Variants in LIMD1 observed in about 807,000 individuals in gnomAD.
LIMD1 encodes the protein LIM domain-containing protein 1.
A neutral mutation model predicts 58.4 loss-of-function variants in LIMD1; 23 were observed. The ratio of observed to expected loss-of-function variants is 0.39; its 90% CI spans 0.28 to 0.56. The LOEUF is 0.56. LIMD1 is among the 20% of genes least tolerant of loss of function. The probability of loss-of-function intolerance (pLI) is 0.57; values close to 1 mark genes in which losing one functional copy is unlikely to be tolerated. For synonymous variants in LIMD1, 334 were observed against 345.5 expected (o/e 0.97, Z 0.37); for missense variants, 838 against 855.5 (o/e 0.98, Z 0.25).
In LIMD1 at chr3:45,639,672, C is replaced by T. The variant is rs544180576; in HGVS notation, c.1510+3421C>T. ...CACCTTGGAGGTTAGGATTTTTTTT[C>T]TTTTTTTGAGATGGAGTTTTGCTCT... is the stretch of plus-strand genomic sequence containing the variant. On this transcript the variant is annotated intron_variant, in intron 2 of 7. Transcript: ENST00000273317. Among the ~76,000 whole-genome samples the T allele has an allele frequency of 2.3e-3, 350 of 151,696 alleles. 1 individual carries two copies. The highest frequency in any genetic ancestry group is 0.017 in the Middle Eastern group (5 of 294).
chr3:45,637,190 A>G (rs1317956263), intron 2 of LIMD1, among the ~76,000 whole-genome samples: 1 of 152,168 alleles, frequency 6.6e-6, no homozygotes, highest in South Asian at 2.1e-4. Flanking sequence ...CTAATCTGAT[A>G]GGATTAGCTA....
chr3:45,666,709 GTC>G (rs1021603887), intron 3 of LIMD1, among the ~76,000 whole-genome samples: 3 of 152,156 alleles, frequency 2.0e-5, no homozygotes, highest in Non-Finnish European at 4.4e-5. Context: ...CTGCTTACAA[GTC>G]TCTCCTCCAT....
Position 45,682,805 on chromosome 3 carries a change from T to G in LIMD1, c.*5746T>G, listed in dbSNP as rs1697760825. The G allele has an allele frequency of 6.6e-6, 1 of 152,284 alleles. No homozygotes were observed. The allele number at this position is 152,284 out of a possible 1,614,324, so 9.4% of individuals were successfully genotyped here. A position where few individuals can be genotyped will look rare whatever the true frequency, so the allele number is the denominator to read the frequency against. ...ATAGTCAAAAAGCCACAGGAGGCTG[T>G]GAGGAGAAGCTCACTGCTGCTCTGT... On this transcript the variant is annotated 3_prime_UTR_variant, in exon 8 of 8. Transcript: ENST00000273317.
At chr3:45,626,914 T>G (rs144638386) in intron 1 of LIMD1, among the ~76,000 whole-genome samples, 19 of 151,708 alleles carry the variant, frequency 1.3e-4, no homozygotes, top group African/African-American at 4.4e-4. Flanking sequence ...AAAAGTAAAT[T>G]CATTGAAAAA....
At chr3:45,647,023 T>C (rs1294518468) in intron 2 of LIMD1, among the ~76,000 whole-genome samples, 1 of 152,158 alleles carries the variant, frequency 6.6e-6, no homozygotes, top group Non-Finnish European at 1.5e-5. Flanking sequence ...AGTTTCTTGT[T>C]TTTGATATTT....
In LIMD1 at chr3:45,595,219, C is replaced by A; in HGVS notation, c.340C>A (p.Pro114Thr). ...KPPLAASTGAPGAVTTLAAGQ... is the reference protein window; with the variant it reads ...KPPLAASTGATGAVTTLAAGQ... ...TCCTCTTGCTGCCTCGACAGGGGCA[C>A]CTGGGGCAGTCACCACCCTCGCTGC... Residue 114 changes from proline (P) to threonine (T), a missense_variant, in exon 1 of 8, where the codon CCT becomes ACT. By Grantham distance (38) the Pro-to-Thr change is conservative. Coordinates refer to ENST00000273317, the MANE Select transcript of LIMD1 (RefSeq NM_014240.3). 1 of 1,602,486 alleles carries A rather than the reference C, an allele frequency of 6.2e-7. No individual in the cohort carries two copies.
At chr3:45,673,631 G>A in intron 6 of LIMD1, 126 bp downstream of exon 6, 1 of 883,094 alleles carries the variant, frequency 1.1e-6, no homozygotes, top group Non-Finnish European at 1.9e-6. Context: ...TCTCAACTCT[G>A]GCCTGGTGCA....
intron 1 of LIMD1, among the ~76,000 whole-genome samples, chr3:45,626,324 AT>A (rs1701667758): frequency 6.6e-6 from 1 of 152,198 alleles, no homozygotes; most frequent in Non-Finnish European, 1.5e-5. Context: ...TAATGACAAA[AT>A]TTGGCAAGAT....
At chr3:45,675,421 C>T (rs1575369414) in intron 7 of LIMD1, among the ~76,000 whole-genome samples, 1 of 151,888 alleles carries the variant, frequency 6.6e-6, no homozygotes, top group African/African-American at 2.4e-5. Context: ...CCCAGCTACT[C>T]GGGAAGCTGA....
intron 2 of LIMD1, among the ~76,000 whole-genome samples, chr3:45,642,547 G>A (rs993360442): frequency 5.9e-5 from 9 of 152,112 alleles, no homozygotes; most frequent in African/African-American, 1.9e-4. Context: ...TCACTTTTAT[G>A]TTTTCCCTGC....
At position 45,596,186 on chromosome 3, in the gene LIMD1, C is replaced by G. The variant is rs1205956938; in HGVS notation, c.1307C>G (p.Pro436Arg). ...AGGCTGCCCTGCCAGCCCCTCGTCCCAGGTCCTGAGCTGAGACCCTCTGCT... is the reference window on the plus strand; with the variant it reads ...AGGCTGCCCTGCCAGCCCCTCGTCCGAGGTCCTGAGCTGAGACCCTCTGCT... ...RVRLPCQPLV[P>R]GPELRPSAAE... The change falls in exon 1 of 8, where the codon CCA (proline) becomes CGA (arginine). Residue 436 changes from proline to arginine, a missense_variant. By Grantham distance (103) the Pro-to-Arg change is moderately radical. Transcript: ENST00000273317. 6.2e-7 allele frequency: 1 copy of G among 1,613,960 alleles called. No homozygotes were observed. The highest frequency in any genetic ancestry group is 8.5e-7 in the Non-Finnish European group (1 of 1,179,952).
At chr3:45,655,803 G>A (rs987577130) in intron 2 of LIMD1, among the ~76,000 whole-genome samples, 5 of 152,092 alleles carry the variant, frequency 3.3e-5, no homozygotes, top group Non-Finnish European at 5.9e-5. Context: ...CTAGTGTTAC[G>A]TCTCTACGTA....
chr3:45,633,054 T>C (rs1356072998), intron 1 of LIMD1, among the ~76,000 whole-genome samples: 1 of 152,206 alleles, frequency 6.6e-6, no homozygotes, highest in Non-Finnish European at 1.5e-5. Context: ...ACCTAAGTTG[T>C]ATATAAAAAT....
At chr3:45,634,725 C>A (rs1701768960) in intron 1 of LIMD1, among the ~76,000 whole-genome samples, 1 of 152,168 alleles carries the variant, frequency 6.6e-6, no homozygotes, top group African/African-American at 2.4e-5. Flanking sequence ...GACCAGGTGT[C>A]CCAATAAGCA....
chr3:45,647,895 C>G (rs1206002162), intron 2 of LIMD1, among the ~76,000 whole-genome samples: 1 of 151,408 alleles, frequency 6.6e-6, no homozygotes, highest in Non-Finnish European at 1.5e-5. Flanking sequence ...CCTTTTCTAC[C>G]CCTGTACCTT....
intron 1 of LIMD1, among the ~76,000 whole-genome samples, chr3:45,608,460 T>C (rs1452272926): frequency 6.6e-6 from 1 of 151,946 alleles, no homozygotes; most frequent in Non-Finnish European, 1.5e-5. Flanking sequence ...ACTGACGGAG[T>C]GAAGAAGCCT....
intron 2 of LIMD1, among the ~76,000 whole-genome samples, chr3:45,662,134 T>C (rs1175517808): frequency 6.6e-6 from 1 of 152,242 alleles, no homozygotes; most frequent in Non-Finnish European, 1.5e-5. Flanking sequence ...ATTTTGTGGT[T>C]TGTCTGCCTA....
intron 4 of LIMD1, among the ~76,000 whole-genome samples, chr3:45,670,333 C>A (rs1227404049): frequency 6.6e-6 from 1 of 152,176 alleles, no homozygotes; most frequent in Non-Finnish European, 1.5e-5. Context: ...TTATCTATTG[C>A]TGCATGACAA....
Position 45,596,134 on chromosome 3 carries a change from C to G in LIMD1, c.1255C>G (p.Leu419Val), listed in dbSNP as rs1701346970. The G allele has an allele frequency of 6.2e-7, 1 of 1,614,078 alleles. No individual in the cohort carries two copies. Among genetic ancestry groups the G allele is most frequent in the Non-Finnish European group, 8.5e-7 (1 of 1,180,040 alleles). Residue 419 changes from leucine to valine, a missense_variant, in exon 1 of 8, where the codon CTG becomes GTG. Around this residue, in one of 3 missense-constraint regions of LIMD1, gnomAD observed 659 missense variants for 639.8 expected, o/e 1.03. Coordinates refer to ENST00000273317, the MANE Select transcript of LIMD1 (RefSeq NM_014240.3). Reference protein sequence around the residue: ...SSDGSLGSVLLDSPSSPRVRL... With the variant: ...SSDGSLGSVLVDSPSSPRVRL... ...TGATGGTAGCCTGGGATCTGTGCTC[C>G]TGGACAGCCCCAGCTCCCCTAGGGT...
Sources: gnomAD v4.1 joint callset for allele counts (sites outside exome capture counted in the v4.1 genomes callset) on GRCh38, gnomAD v4.1.1 for gene constraint, gnomAD v4.1.1 regional missense constraint, MANE v1.5 for transcripts, NCBI Gene and HGNC (gene_info 2026-07-23, HGNC 2026-07-21) for gene names.